The following SORCS3 variants were observed in gnomAD, a reference collection of about 807,000 sequenced individuals.
The protein encoded by SORCS3 is sortilin related VPS10 domain containing receptor 3, also known as VPS10 domain-containing receptor SorCS3.
Under a neutral mutation model 146.3 loss-of-function variants are expected in SORCS3, and 57 were observed. The observed-to-expected ratio is 0.39, with a 90% CI of 0.31 to 0.49. SORCS3 has a LOEUF of 0.49. Ranked by LOEUF, SORCS3 falls within the 20% of genes least tolerant of loss-of-function variation. SORCS3 has a pLI of 0.92. For missense variants in SORCS3, 1,341 were observed against 1,575.5 expected (o/e 0.85, Z 2.52); for synonymous variants, 653 against 618.5 (o/e 1.06, Z -0.83).
rs182495046 is a variant in SORCS3 at position 104,903,181 on chromosome 10, A to G, written c.696-12652A>G. Among the ~76,000 whole-genome samples, 572 of 152,320 alleles carry G rather than the reference A, an allele frequency of 3.8e-3. 4 individuals are homozygous for G. Among genetic ancestry groups the G allele is most frequent in the Middle Eastern group, 0.01 (3 of 294 alleles). ...TTTTTATGACAGAGATAAAATATCT[A>G]TGTCAGAGGGTCATAGTGAGGATTC... On this transcript the variant is annotated intron_variant, in intron 2 of 26. Coordinates refer to ENST00000369701, the MANE Select transcript of SORCS3 (RefSeq NM_014978.3).
At chr10:105,082,780 G>A (rs1452610096) in intron 5 of SORCS3, among the ~76,000 whole-genome samples, 2 of 152,032 alleles carry the variant, frequency 1.3e-5, no homozygotes, top group Non-Finnish European at 2.9e-5. Context: ...ACCCAGGCTG[G>A]AGTGCAATGG....
intron 4 of SORCS3, among the ~76,000 whole-genome samples, chr10:105,003,758 A>G (rs1208233482): frequency 6.6e-6 from 1 of 152,074 alleles, no homozygotes; most frequent in East Asian, 1.9e-4. Context: ...GATTTATTCC[A>G]TGGGCTCCTT....
chr10:105,027,532 C>G (rs1368055003), intron 4 of SORCS3, among the ~76,000 whole-genome samples: 1 of 152,140 alleles, frequency 6.6e-6, no homozygotes, highest in Admixed American at 6.6e-5. Context: ...TGCCTACCTG[C>G]TGCAGTTTAT....
chr10:105,067,703 A>G (rs2055531258), intron 5 of SORCS3, among the ~76,000 whole-genome samples: 2 of 152,008 alleles, frequency 1.3e-5, no homozygotes, highest in African/African-American at 4.8e-5. Flanking sequence ...CTTTACTGCA[A>G]CCATCAGGCA....
At chr10:104,828,736 C>T (rs1326596394) in intron 1 of SORCS3, among the ~76,000 whole-genome samples, 1 of 152,144 alleles carries the variant, frequency 6.6e-6, no homozygotes, top group South Asian at 2.1e-4. Flanking sequence ...GTACCTTTGT[C>T]TTCTCTAGTG....
intron 1 of SORCS3, among the ~76,000 whole-genome samples, chr10:104,769,693 C>T (rs17185757): frequency 0.15 from 22,617 of 151,932 alleles, 2,121 homozygotes; most frequent in Middle Eastern, 0.28. Flanking sequence ...GAGCCAGGGA[C>T]ATTTAGCTGC....
At chr10:104,751,634 G>C (rs980571616) in intron 1 of SORCS3, among the ~76,000 whole-genome samples, 1 of 151,860 alleles carries the variant, frequency 6.6e-6, no homozygotes, top group Non-Finnish European at 1.5e-5. Flanking sequence ...TAATGTCTGG[G>C]GTCTGTATTC....
At chr10:104,746,350 A>G (rs934470176) in intron 1 of SORCS3, among the ~76,000 whole-genome samples, 6 of 152,006 alleles carry the variant, frequency 3.9e-5, no homozygotes, top group South Asian at 2.1e-4. Flanking sequence ...GTTAGCCAGG[A>G]TGGTCTCGAT....
intron 4 of SORCS3, among the ~76,000 whole-genome samples, chr10:104,985,546 A>G (rs1457140228): frequency 6.6e-6 from 1 of 152,216 alleles, no homozygotes; most frequent in African/African-American, 2.4e-5. Context: ...AAAGGCATCT[A>G]GAATGATGAA....
At chr10:104,785,052 T>C (rs112839359) in intron 1 of SORCS3, among the ~76,000 whole-genome samples, 1 of 151,250 alleles carries the variant, frequency 6.6e-6, no homozygotes, top group South Asian at 2.1e-4. Flanking sequence ...ACCTCCCGGA[T>C]GGGGCGGCTG....
rs139419298 is a variant in SORCS3, at chr10:104,763,951, G to A, written c.628-78841G>A. Among the ~76,000 whole-genome samples the A allele has an allele frequency of 9.1e-3, 1,367 of 150,010 alleles. 22 individuals are homozygous for A. The highest frequency in any genetic ancestry group is 0.032 in the African/African-American group (1,283 of 40,696). Reference sequence around the variant, plus strand: ...TTCCCTTTTGCCTTCCACCATGATTGTAAGTTTCCTGAGGCCTCCCCAGCC... The same window carrying A: ...TTCCCTTTTGCCTTCCACCATGATTATAAGTTTCCTGAGGCCTCCCCAGCC... On this transcript the variant is annotated intron_variant, in intron 1 of 26. Coordinates refer to ENST00000369701, the MANE Select transcript of SORCS3 (RefSeq NM_014978.3).
chr10:104,818,921 C>T (rs1192779780), intron 1 of SORCS3, among the ~76,000 whole-genome samples: 5 of 151,898 alleles, frequency 3.3e-5, no homozygotes, highest in Non-Finnish European at 7.4e-5. Flanking sequence ...TATTTTTTTA[C>T]ATGGTAGCTT....
chr10:105,027,302 G>A (rs1304067177), intron 4 of SORCS3, among the ~76,000 whole-genome samples: 1 of 152,090 alleles, frequency 6.6e-6, no homozygotes, highest in Non-Finnish European at 1.5e-5. Flanking sequence ...ATGAAAATTA[G>A]CTTGATTTAA....
rs75988562 is a variant in SORCS3 at position 105,105,618 on chromosome 10, G to A, written c.1212+103G>A. ...TTTCCCAAGGTTGTGAAGATGTGGA[G>A]TTGAGACACTGTCCCTCCTTTGCTT... On this transcript the variant is annotated intron_variant, in intron 7 of 26. Coordinates refer to ENST00000369701, the MANE Select transcript of SORCS3 (RefSeq NM_014978.3). 2,158 of 803,698 alleles carry A rather than the reference G, an allele frequency of 2.7e-3. 22 individuals carry two copies. The African/African-American group carries it at 0.032, about 12-fold the overall frequency. 49.8% of individuals were successfully genotyped at this position (803,698 alleles called of 1,614,324 possible). A position where few individuals can be genotyped will look rare whatever the true frequency, so the allele number is the denominator to read the frequency against.
At chr10:105,191,527 A>T (rs377278580) in intron 14 of SORCS3, among the ~76,000 whole-genome samples, 1 of 152,188 alleles carries the variant, frequency 6.6e-6, no homozygotes, top group Non-Finnish European at 1.5e-5. Context: ...CAATAGACCA[A>T]GTAGTCCAAA....
chr10:105,137,564 G>C (rs188087911), intron 7 of SORCS3, among the ~76,000 whole-genome samples: 199 of 152,226 alleles, frequency 1.3e-3, no homozygotes, highest in Middle Eastern at 0.01. Flanking sequence ...CATCTGAGAG[G>C]CAGGGGGTCA....
chr10:104,885,737 A>C (rs12779433), intron 2 of SORCS3, among the ~76,000 whole-genome samples: 1 of 152,150 alleles, frequency 6.6e-6, no homozygotes, highest in Admixed American at 6.6e-5. Flanking sequence ...TATGATGACT[A>C]TCCCATTATT....
intron 4 of SORCS3, among the ~76,000 whole-genome samples, chr10:105,009,085 T>G (rs1280342851): frequency 1.3e-5 from 2 of 152,244 alleles, no homozygotes; most frequent in African/African-American, 4.8e-5. Flanking sequence ...GTCAGTCATG[T>G]GCTAAGTGCT....
At chr10:104,893,061 A>G (rs2018764529) in intron 2 of SORCS3, among the ~76,000 whole-genome samples, 1 of 152,128 alleles carries the variant, frequency 6.6e-6, no homozygotes, top group Non-Finnish European at 1.5e-5. Flanking sequence ...AGTCTCTGTC[A>G]TGGTCCCTGT....
Sources: allele counts gnomAD v4.1 joint callset (sites outside exome capture counted in the v4.1 genomes callset), GRCh38; gene constraint gnomAD v4.1.1; transcripts MANE v1.5; gene names NCBI Gene and HGNC (gene_info 2026-07-23, HGNC 2026-07-21).